MYOM1: variants seen among roughly 807,000 people sequenced by gnomAD.
MYOM1 encodes the protein myomesin-1.
A neutral mutation model predicts 205.3 loss-of-function variants in MYOM1; 164 were observed. The ratio of observed to expected loss-of-function variants is 0.80; its 90% confidence interval spans 0.70 to 0.91. MYOM1 has a LOEUF of 0.91. Ranked by LOEUF, MYOM1 falls within the 40% of genes least tolerant of loss-of-function variation. MYOM1 has a pLI of 0.00. For missense variants in MYOM1, 2,011 were observed against 2,127.3 expected (o/e 0.95, Z 1.08); for synonymous variants, 772 against 789.4 (o/e 0.98, Z 0.37).
intron 18 of MYOM1, among the ~76,000 whole-genome samples, chr18:3,128,216 T>G (rs1173757353): frequency 6.6e-6 from 1 of 152,192 alleles, no homozygotes; most frequent in Non-Finnish European, 1.5e-5. Flanking sequence ...GCTTTCTCTC[T>G]CTCCCTCTAT....
Position 3,137,875 on chromosome 18 carries a change from G to C in MYOM1, c.2026-2145C>G, listed in dbSNP as rs77986737. Among the ~76,000 whole-genome samples, 1,493 of 152,184 alleles carry C rather than the reference G, an allele frequency of 9.8e-3. 18 individuals are homozygous for C. Among genetic ancestry groups the C allele is most frequent in the African/African-American group, 0.034 (1,412 of 41,510 alleles). ...ATGGGTACCCCAATTACTCTGATTT[G>C]ATCATTACACATTGCAAAGATGTAT... is the stretch of plus-strand genomic sequence containing the variant. On this transcript the variant is annotated intron_variant, in intron 14 of 37. Transcript: ENST00000356443.
At chr18:3,140,121 A>G (rs191179887) in intron 14 of MYOM1, among the ~76,000 whole-genome samples, 6 of 152,138 alleles carry the variant, frequency 3.9e-5, no homozygotes, top group African/African-American at 1.4e-4. Context: ...AAAGCTTAGA[A>G]TGCAGCCGGG....
Position 3,102,479 on chromosome 18 carries a change from G to T in MYOM1, c.3570C>A (p.Gly1190=). Residue 1190 remains glycine, a synonymous_variant, in exon 23 of 38, where the codon GGC becomes GGA. Transcript: ENST00000356443. The part of the protein sequence containing the change: ...DSPRLEVESK[G]NKTKMTFKDL... ...GTGATTGACATAGTCCTTACTTGTT[G>T]CCCTTGCTTTCGACTTCCAATCGTG... The T allele has an allele frequency of 6.2e-7, 1 of 1,610,758 alleles. No individual in the cohort carries two copies. Among genetic ancestry groups the T allele is most frequent in the Non-Finnish European group, 8.5e-7 (1 of 1,178,252 alleles).
At chr18:3,090,055 C>T (rs1464052914) in intron 27 of MYOM1, among the ~76,000 whole-genome samples, 1 of 152,138 alleles carries the variant, frequency 6.6e-6, no homozygotes, top group African/African-American at 2.4e-5. Context: ...TGTTGTATTG[C>T]AATCTCCCTC....
intron 5 of MYOM1, among the ~76,000 whole-genome samples, chr18:3,180,273 T>C (rs986475800): frequency 6.6e-6 from 1 of 152,204 alleles, no homozygotes; most frequent in Non-Finnish European, 1.5e-5. Flanking sequence ...TATCACCACA[T>C]GGCAAGAGAA....
intron 10 of MYOM1, among the ~76,000 whole-genome samples, chr18:3,162,625 A>G (rs2080408307): frequency 6.6e-6 from 1 of 152,192 alleles, no homozygotes; most frequent in Admixed American, 6.5e-5. Context: ...ATGCCATAAA[A>G]AAACACAGAA....
At chr18:3,112,813 G>A (rs1032214643) in intron 21 of MYOM1, among the ~76,000 whole-genome samples, 1 of 152,150 alleles carries the variant, frequency 6.6e-6, no homozygotes, top group Non-Finnish European at 1.5e-5. Flanking sequence ...CAATCCTTTT[G>A]AGACATTCCA....
At chr18:3,174,032 G>C in intron 7 of MYOM1, 32 bp from the exon 8 acceptor site, 1 of 1,609,606 alleles carries the variant, frequency 6.2e-7, no homozygotes, top group Non-Finnish European at 8.5e-7. Context: ...CATGTGAACT[G>C]CTTTGTGATC....
intron 5 of MYOM1, among the ~76,000 whole-genome samples, chr18:3,186,706 T>C (rs1257353033): frequency 6.8e-6 from 1 of 148,048 alleles, no homozygotes; most frequent in Non-Finnish European, 1.5e-5. Flanking sequence ...TTATGCTCTC[T>C]GGTAAAAAAA....
intron 19 of MYOM1, among the ~76,000 whole-genome samples, chr18:3,122,991 A>T (rs1179792873): frequency 6.6e-6 from 1 of 151,190 alleles, no homozygotes; most frequent in Non-Finnish European, 1.5e-5. Flanking sequence ...TCACCACTTT[A>T]AAAAAAAAGA....
chr18:3,163,988 G>A (rs1254576083), intron 10 of MYOM1, among the ~76,000 whole-genome samples: 7 of 151,532 alleles, frequency 4.6e-5, no homozygotes, highest in Admixed American at 2.0e-4. Flanking sequence ...AAGTAGCTGG[G>A]ACCACAGGTG....
chr18:3,172,979 C>T (rs1326091335), intron 8 of MYOM1, among the ~76,000 whole-genome samples: 1 of 152,180 alleles, frequency 6.6e-6, no homozygotes, highest in East Asian at 1.9e-4. Context: ...TGGAGCAGGT[C>T]AGCCACAGAC....
chr18:3,149,636 C>T (rs921715866), intron 12 of MYOM1, among the ~76,000 whole-genome samples: 1 of 152,038 alleles, frequency 6.6e-6, no homozygotes, highest in Non-Finnish European at 1.5e-5. Context: ...GAGGGGGTGC[C>T]GATCCTGCGG....
intron 4 of MYOM1, among the ~76,000 whole-genome samples, chr18:3,188,194 T>C (rs116194559): frequency 0.016 from 2,371 of 152,302 alleles, 51 homozygotes; most frequent in African/African-American, 0.052. Flanking sequence ...TCTTTAATTT[T>C]CTTAAAACCT....
At chr18:3,068,160 C>T (rs1450558011) in intron 37 of MYOM1, among the ~76,000 whole-genome samples, 2 of 151,966 alleles carry the variant, frequency 1.3e-5, no homozygotes, top group African/African-American at 4.8e-5. Flanking sequence ...TCTAAAAGAT[C>T]GATATTCTAG....
intron 10 of MYOM1, among the ~76,000 whole-genome samples, chr18:3,160,067 C>G (rs2080365132): frequency 6.8e-6 from 1 of 147,288 alleles, no homozygotes; most frequent in Non-Finnish European, 1.5e-5. Flanking sequence ...CCTCCTTCTT[C>G]TTCTTCTCTT....
At chr18:3,136,216 C>T (rs1024500910) in intron 14 of MYOM1, among the ~76,000 whole-genome samples, 1 of 152,094 alleles carries the variant, frequency 6.6e-6, no homozygotes, top group Non-Finnish European at 1.5e-5. Context: ...TCCATTAAAC[C>T]TCTTTTTCTT....
At chr18:3,163,984 C>G (rs546602043) in intron 10 of MYOM1, among the ~76,000 whole-genome samples, 1 of 151,878 alleles carries the variant, frequency 6.6e-6, no homozygotes, top group Admixed American at 6.6e-5. Context: ...TCCCAAGTAG[C>G]TGGGACCACA....
intron 25 of MYOM1, among the ~76,000 whole-genome samples, chr18:3,096,213 A>G (rs1163236115): frequency 2.0e-5 from 3 of 152,188 alleles, no homozygotes. Flanking sequence ...CCTGGGTTTA[A>G]CCAGCTGTTT....
Sources: gnomAD v4.1 joint callset for allele counts (sites outside exome capture counted in the v4.1 genomes callset) on GRCh38, gnomAD v4.1.1 for gene constraint, MANE v1.5 for transcripts, NCBI Gene and HGNC (gene_info 2026-07-23, HGNC 2026-07-21) for gene names.